NTM: variants seen among roughly 807,000 people sequenced by gnomAD.
NTM encodes the protein IgLON family member 2.
In NTM, 13 loss-of-function variants were observed where a neutral mutation model predicts 42.1. The observed-to-expected ratio is 0.31, with a 90% CI of 0.20 to 0.49. NTM has a LOEUF of 0.49. Among genes scored for constraint, NTM ranks in the 20% least tolerant of loss-of-function variants. The pLI, the probability that NTM is intolerant of heterozygous loss-of-function variation, is 0.99. For missense variants in NTM, 373 were observed against 452.8 expected (o/e 0.82, Z 1.60); for synonymous variants, 187 against 179.2 (o/e 1.04, Z -0.35).
intron 1 of NTM, among the ~76,000 whole-genome samples, chr11:131,731,859 T>C (rs958533449): frequency 1.3e-5 from 2 of 152,136 alleles, no homozygotes; most frequent in African/African-American, 4.8e-5. Flanking sequence ...GGTATGCTGG[T>C]TATTGTTGGC....
intron 1 of NTM, among the ~76,000 whole-genome samples, chr11:131,380,500 C>T (rs945202059): frequency 1.4e-4 from 21 of 152,210 alleles, no homozygotes; most frequent in African/African-American, 4.8e-4. Context: ...CGTGAGCTAC[C>T]GTGCCCAACT....
In NTM at chr11:132,126,868, T is replaced by C. The variant is rs186207311; in HGVS notation, c.168-19414T>C. On this transcript the variant is annotated intron_variant, in intron 2 of 8. Coordinates refer to ENST00000683400, the MANE Select transcript of NTM (RefSeq NM_001352005.2). ...GGTGTTTTCTGTGACCCGCAAAGCG[T>C]GGTTTAATTTACAGGGTGAGTTGGA... Among the ~76,000 whole-genome samples the C allele has an allele frequency of 1.6e-4, 24 of 152,236 alleles. No individual in the cohort carries two copies. The East Asian group carries it at 4.2e-3, about 27-fold the overall frequency.
At chr11:131,808,060 G>C (rs1208100951) in intron 1 of NTM, among the ~76,000 whole-genome samples, 2 of 152,172 alleles carry the variant, frequency 1.3e-5, no homozygotes, top group East Asian at 3.8e-4. Flanking sequence ...TGATTCACAA[G>C]CCTGGGGCTC....
At chr11:131,572,512 C>T (rs775890522) in intron 1 of NTM, among the ~76,000 whole-genome samples, 4 of 152,130 alleles carry the variant, frequency 2.6e-5, no homozygotes, top group Non-Finnish European at 4.4e-5. Flanking sequence ...CCTGGCTATG[C>T]CTTTTGACCT....
chr11:131,933,042 G>A (rs534396602), intron 2 of NTM, among the ~76,000 whole-genome samples: 127 of 152,326 alleles, frequency 8.3e-4, no homozygotes, highest in African/African-American at 2.9e-3. Flanking sequence ...TTTTCTCTCA[G>A]CTTTTCCTCC....
At chr11:131,648,193 CT>C (rs2066010319) in intron 1 of NTM, among the ~76,000 whole-genome samples, 1 of 152,126 alleles carries the variant, frequency 6.6e-6, no homozygotes, top group South Asian at 2.1e-4. Context: ...GGATTTTGTT[CT>C]TTTTTATGGC....
chr11:131,918,122 A>T (rs1376786754), intron 2 of NTM, among the ~76,000 whole-genome samples: 4 of 152,144 alleles, frequency 2.6e-5, no homozygotes, highest in Non-Finnish European at 4.4e-5. Flanking sequence ...TTTTACAGAT[A>T]GTGGAAGTAG....
chr11:132,310,239 C>G lies in NTM; in HGVS notation c.782+7C>G, dbSNP rs1172970157. On this transcript the variant is annotated splice_region_variant and intron_variant, in intron 6 of 8. Transcript: ENST00000683400. ...GGTACAAGGATGACAAAAGGTAAAG[C>G]TTCCTTCTTTCCTATCCCACCCCTA... The G allele has an allele frequency of 6.3e-7, 1 of 1,590,564 alleles. No individual in the cohort carries two copies. Among genetic ancestry groups the G allele is most frequent in the African/African-American group, 1.4e-5 (1 of 73,380 alleles).
chr11:131,878,040 T>G (rs2048793516), intron 1 of NTM: 1 of 152,232 alleles, frequency 6.6e-6, no homozygotes, highest in South Asian at 2.1e-4. Context: ...TTTCTTTTCA[T>G]GTGTTCTTTG....
chr11:131,677,311 C>T (rs897386074), intron 1 of NTM, among the ~76,000 whole-genome samples: 3 of 152,312 alleles, frequency 2.0e-5, no homozygotes, highest in South Asian at 2.1e-4. Context: ...GCAGTGAGGA[C>T]CTTTCGTGGC....
chr11:131,527,131 T>A (rs1253354504), intron 1 of NTM, among the ~76,000 whole-genome samples: 5 of 152,200 alleles, frequency 3.3e-5, no homozygotes, highest in Non-Finnish European at 5.9e-5. Flanking sequence ...CTGATGTACC[T>A]ATGTGTAACC....
chr11:131,821,890 A>G (rs575148928), intron 1 of NTM, among the ~76,000 whole-genome samples: 5 of 152,332 alleles, frequency 3.3e-5, no homozygotes, highest in African/African-American at 9.6e-5. Context: ...TACCCCAAAG[A>G]GGCTAGTAAA....
intron 1 of NTM, among the ~76,000 whole-genome samples, chr11:131,722,257 C>T (rs376059935): frequency 2.0e-5 from 3 of 152,058 alleles, no homozygotes; most frequent in African/African-American, 7.2e-5. Flanking sequence ...ACCTGTAAAC[C>T]ATCTCACTAC....
intron 1 of NTM, among the ~76,000 whole-genome samples, chr11:131,616,388 G>C (rs1354650277): frequency 1.3e-5 from 2 of 152,196 alleles, no homozygotes; most frequent in Non-Finnish European, 2.9e-5. Context: ...CGCGGACGGA[G>C]GCAAGGGAGA....
At chr11:132,114,990 AACATTT>A (rs1351148378) in intron 2 of NTM, among the ~76,000 whole-genome samples, 1 of 152,208 alleles carries the variant, frequency 6.6e-6, no homozygotes, top group African/African-American at 2.4e-5. Context: ...ATCCCATGGT[AACATTT>A]TCGGCAACAT....
At chr11:132,137,607 G>A (rs2068202630) in intron 2 of NTM, among the ~76,000 whole-genome samples, 3 of 152,170 alleles carry the variant, frequency 2.0e-5, no homozygotes, top group African/African-American at 7.2e-5. Context: ...ATTTATGAAG[G>A]TGCAGCCAAG....
At chr11:132,214,449 C>T (rs1241635170) in intron 4 of NTM, among the ~76,000 whole-genome samples, 3 of 152,110 alleles carry the variant, frequency 2.0e-5, no homozygotes, top group Non-Finnish European at 2.9e-5. Context: ...TTTCTTCCCC[C>T]ACTTCTCCTG....
intron 2 of NTM, among the ~76,000 whole-genome samples, chr11:131,974,390 T>C (rs1415940431): frequency 2.6e-5 from 4 of 152,230 alleles, no homozygotes; most frequent in Admixed American, 6.5e-5. Flanking sequence ...GGAGTCCTTT[T>C]GCATTTTCCT....
At chr11:131,890,703 A>ACGAG (rs1253846967) in intron 1 of NTM, among the ~76,000 whole-genome samples, 1 of 152,178 alleles carries the variant, frequency 6.6e-6, no homozygotes, top group East Asian at 1.9e-4. Context: ...GAAGCTCAGA[A>ACGAG]CGAGCTCCTC....
Sources: gnomAD v4.1 joint callset for allele counts (sites outside exome capture counted in the v4.1 genomes callset) on GRCh38, gnomAD v4.1.1 for gene constraint, MANE v1.5 for transcripts, NCBI Gene and HGNC (gene_info 2026-07-23, HGNC 2026-07-21) for gene names.